The following VPS13B variants were observed in gnomAD, a reference collection of about 807,000 sequenced individuals.
VPS13B encodes the protein intermembrane lipid transfer protein VPS13B.
Under a neutral mutation model 426.4 loss-of-function variants are expected in VPS13B, and 285 were observed. The observed-to-expected ratio is 0.67, with a 90% confidence interval of 0.61 to 0.74. The LOEUF (loss-of-function observed/expected upper bound fraction) is 0.74, where lower values mean the gene tolerates loss of function less well. VPS13B is among the 30% of genes least tolerant of loss of function. The pLI, the probability that VPS13B is intolerant of heterozygous loss-of-function variation, is 0.00. For synonymous variants in VPS13B, 1,676 were observed against 1,676.4 expected, an observed-to-expected ratio of 1.00 and a Z score of 0.01; for missense variants, 4,537 against 4,782.6, an observed-to-expected ratio of 0.95 and a Z score of 1.51.
chr8:99,657,470 T>TGTGTGTGTGTGTGTGTGTGTGTGTGTG (rs60760111), intron 34 of VPS13B, among the ~76,000 whole-genome samples: 6 of 146,906 alleles, frequency 4.1e-5, no homozygotes, highest in African/African-American at 1.0e-4. Context: ...ACTTTAAAAA[T>TGTGTGTGTGTGTGTGTGTGTGTGTGTG]TGTGTGTGTG....
At chr8:99,873,681 T>C (rs1228634843) in intron 61 of VPS13B, among the ~76,000 whole-genome samples, 2 of 152,174 alleles carry the variant, frequency 1.3e-5, no homozygotes, top group Admixed American at 1.3e-4. Context: ...CAACCTCTCC[T>C]ACTCACCCCC....
chr8:99,523,678 T>C (rs1371199546), intron 30 of VPS13B, among the ~76,000 whole-genome samples: 3 of 152,174 alleles, frequency 2.0e-5, no homozygotes, highest in African/African-American at 7.2e-5. Flanking sequence ...CTTGGGTTAC[T>C]CCCTAATGCA....
At chr8:99,744,171 C>T (rs967841496) in intron 39 of VPS13B, among the ~76,000 whole-genome samples, 8 of 152,272 alleles carry the variant, frequency 5.3e-5, no homozygotes, top group Middle Eastern at 3.4e-3. Flanking sequence ...TATGAACAGA[C>T]GCTTCTCGAA....
intron 57 of VPS13B, among the ~76,000 whole-genome samples, chr8:99,860,327 G>A (rs540452002): frequency 2.0e-5 from 3 of 152,214 alleles, no homozygotes; most frequent in Non-Finnish European, 4.4e-5. Context: ...CAAATTCCAC[G>A]GACAATGAAA....
At chr8:99,431,314 G>A (rs1019954839) in intron 21 of VPS13B, among the ~76,000 whole-genome samples, 7 of 152,122 alleles carry the variant, frequency 4.6e-5, no homozygotes, top group African/African-American at 1.4e-4. Flanking sequence ...TCCCTGACAA[G>A]GGTGAATGCT....
chr8:99,155,022 T>C (rs925611263), intron 14 of VPS13B, among the ~76,000 whole-genome samples: 1 of 151,750 alleles, frequency 6.6e-6, no homozygotes. Flanking sequence ...GATTAATTGC[T>C]TAAGGAAAAA....
intron 19 of VPS13B, among the ~76,000 whole-genome samples, chr8:99,345,694 TA>T (rs1018601155): frequency 3.9e-5 from 6 of 152,314 alleles, no homozygotes; most frequent in Admixed American, 3.9e-4. Flanking sequence ...AAAGGTTATT[TA>T]AAATTCTTCA....
At chr8:99,225,285 T>G (rs567930236) in intron 17 of VPS13B, among the ~76,000 whole-genome samples, 1 of 152,244 alleles carries the variant, frequency 6.6e-6, no homozygotes, top group African/African-American at 2.4e-5. Context: ...CTTTTCTTTT[T>G]TTTTTGTTTT....
At chr8:99,265,124 T>A (rs1453883091) in intron 17 of VPS13B, among the ~76,000 whole-genome samples, 1 of 152,204 alleles carries the variant, frequency 6.6e-6, no homozygotes. Context: ...TATTATTATT[T>A]GAAGTTTTCT....
Position 99,192,913 on chromosome 8 carries a change from T to C in VPS13B, c.2371T>C (p.Phe791Leu). 1 of 1,613,486 alleles carries C rather than the reference T, an allele frequency of 6.2e-7. No individual in the cohort carries two copies. Among genetic ancestry groups the C allele is most frequent in the Non-Finnish European group, 8.5e-7 (1 of 1,179,776 alleles). Reference sequence around the variant, plus strand: ...TCAGATTGCTATAACTGAAGGTATATTTGAACTTCCAAATCTCACAATTCA... The same window carrying C: ...TCAGATTGCTATAACTGAAGGTATACTTGAACTTCCAAATCTCACAATTCA... The part of the protein sequence containing the change: ...RSQIAITEGI[F>L]ELPNLTIQAT... The change falls in exon 17 of 62, where the codon TTT (phenylalanine) becomes CTT (leucine). Residue 791 changes from phenylalanine (F) to leucine (L), a missense_variant. Physicochemically the swap from Phe to Leu is conservative, Grantham distance 22. Around this residue, in one of 2 missense-constraint regions of VPS13B, gnomAD observed 4,311 missense variants for 4,474.3 expected, o/e 0.96. Transcript: ENST00000357162.
chr8:99,745,747 TA>T (rs1239575046), intron 39 of VPS13B, among the ~76,000 whole-genome samples: 1 of 152,066 alleles, frequency 6.6e-6, no homozygotes, highest in East Asian at 1.9e-4. Flanking sequence ...CTTTAGTAAT[TA>T]TCAGTATCTT....
chr8:99,161,061 G>A (rs1038775747), intron 15 of VPS13B, among the ~76,000 whole-genome samples: 4 of 152,042 alleles, frequency 2.6e-5, no homozygotes, highest in South Asian at 2.1e-4. Flanking sequence ...TATGTTATAT[G>A]GAGAGTAGCA....
chr8:99,530,241 G>C (rs1323276705), intron 30 of VPS13B, among the ~76,000 whole-genome samples: 1 of 151,832 alleles, frequency 6.6e-6, no homozygotes. Flanking sequence ...CATTTTCTTA[G>C]AAGTAATGTC....
intron 30 of VPS13B, among the ~76,000 whole-genome samples, chr8:99,548,803 A>G (rs143601899): frequency 6.6e-6 from 1 of 151,992 alleles, no homozygotes; most frequent in African/African-American, 2.4e-5. Context: ...TTATAACGAT[A>G]AAGAAAAATA....
chr8:99,495,771 G>T (rs1021014798), intron 25 of VPS13B, among the ~76,000 whole-genome samples: 1 of 152,174 alleles, frequency 6.6e-6, no homozygotes, highest in African/African-American at 2.4e-5. Context: ...TACTTAGGCT[G>T]AGATAGATAT....
intron 19 of VPS13B, among the ~76,000 whole-genome samples, chr8:99,276,459 A>G (rs1436635140): frequency 6.6e-6 from 1 of 152,134 alleles, no homozygotes; most frequent in Non-Finnish European, 1.5e-5. Flanking sequence ...TAAGACAGGG[A>G]TTGGTAAATA....
At chr8:99,205,216 G>T (rs964634017) in intron 17 of VPS13B, among the ~76,000 whole-genome samples, 2 of 152,088 alleles carry the variant, frequency 1.3e-5, no homozygotes, top group South Asian at 2.1e-4. Flanking sequence ...GAGATAGATG[G>T]AGCTAGAAAC....
chr8:99,573,480 G>A (rs1051022480), intron 31 of VPS13B, among the ~76,000 whole-genome samples: 2 of 152,166 alleles, frequency 1.3e-5, no homozygotes, highest in African/African-American at 4.8e-5. Flanking sequence ...TTTTGTATAA[G>A]GTGTAAGGAA....
chr8:99,240,229 A>T (rs1816849464), intron 17 of VPS13B, among the ~76,000 whole-genome samples: 1 of 152,194 alleles, frequency 6.6e-6, no homozygotes, highest in Non-Finnish European at 1.5e-5. Flanking sequence ...ACTGCTTGAA[A>T]TACTTACCCG....
Sources: allele counts gnomAD v4.1 joint callset (sites outside exome capture counted in the v4.1 genomes callset), GRCh38; gene constraint gnomAD v4.1.1; regional missense constraint gnomAD v4.1.1; transcripts MANE v1.5; gene names NCBI Gene and HGNC (gene_info 2026-07-23, HGNC 2026-07-21).